The following FSTL5 variants were observed in gnomAD, a reference collection of about 807,000 sequenced individuals.
FSTL5 encodes the protein follistatin like 5, also known as follistatin-related protein 5.
In FSTL5, 62 loss-of-function variants were observed where a neutral mutation model predicts 89.1. That is an observed-to-expected ratio of 0.70 (90% confidence interval 0.57 to 0.86). FSTL5 has a LOEUF of 0.86. Ranked by LOEUF, FSTL5 falls within the 40% of genes least tolerant of loss-of-function variation. The pLI, the probability that FSTL5 is intolerant of heterozygous loss-of-function variation, is 0.00. For missense variants in FSTL5, 1,057 were observed against 1,001.6 expected (o/e 1.06, Z -0.75); for synonymous variants, 383 against 346.2 (o/e 1.11, Z -1.18).
chr4:161,883,916 T>C (rs545157849), intron 4 of FSTL5, among the ~76,000 whole-genome samples: 72 of 152,336 alleles, frequency 4.7e-4, no homozygotes, highest in Middle Eastern at 3.4e-3. Flanking sequence ...TCTGTGAGAT[T>C]TGTTTAATGC....
At chr4:161,399,732 T>C (rs903273570) in intron 15 of FSTL5, among the ~76,000 whole-genome samples, 1 of 152,110 alleles carries the variant, frequency 6.6e-6, no homozygotes, top group Non-Finnish European at 1.5e-5. Flanking sequence ...CAAAATTTAA[T>C]AGAGAGACGA....
At chr4:162,061,444 G>A (rs889657806) in intron 2 of FSTL5, among the ~76,000 whole-genome samples, 1 of 152,122 alleles carries the variant, frequency 6.6e-6, no homozygotes, top group African/African-American at 2.4e-5. Context: ...CAGAGTGTTG[G>A]AAATGGTATT....
chr4:161,988,383 G>C (rs1209725932), intron 3 of FSTL5, among the ~76,000 whole-genome samples: 1 of 152,054 alleles, frequency 6.6e-6, no homozygotes, highest in African/African-American at 2.4e-5. Flanking sequence ...GACAACTACA[G>C]CAAAGGAGAA....
chr4:161,746,840 CTAGT>C (rs1355458671), intron 6 of FSTL5, among the ~76,000 whole-genome samples: 1 of 152,126 alleles, frequency 6.6e-6, no homozygotes, highest in Non-Finnish European at 1.5e-5. Context: ...TCACTAATTT[CTAGT>C]TTGCACTTTT....
At chr4:162,067,235 T>C (rs1738951171) in intron 2 of FSTL5, among the ~76,000 whole-genome samples, 1 of 152,052 alleles carries the variant, frequency 6.6e-6, no homozygotes, top group African/African-American at 2.4e-5. Context: ...TGTATTCTTT[T>C]GTAGAGTGGG....
intron 6 of FSTL5, among the ~76,000 whole-genome samples, chr4:161,717,082 T>A (rs1361881965): frequency 6.6e-6 from 1 of 152,182 alleles, no homozygotes; most frequent in Non-Finnish European, 1.5e-5. Flanking sequence ...TTCCCTTTGT[T>A]TTAGATAATT....
chr4:161,899,095 T>C (rs1733267932), intron 4 of FSTL5, among the ~76,000 whole-genome samples: 1 of 152,076 alleles, frequency 6.6e-6, no homozygotes, highest in South Asian at 2.1e-4. Flanking sequence ...AGATCTGGGA[T>C]GGGGCCGTGG....
At position 161,660,149 on chromosome 4, in the gene FSTL5, C is replaced by A. The variant is rs576814754; in HGVS notation, c.728-3655G>T. ...TTTTAATGATTTTTTTCTGATCTCA[C>A]ATTATGAGGACTATTACTACCTTTT... On this transcript the variant is annotated intron_variant, in intron 6 of 15. Coordinates refer to ENST00000306100, the MANE Select transcript of FSTL5 (RefSeq NM_020116.5). Among the ~76,000 whole-genome samples the A allele has an allele frequency of 2.0e-5, 3 of 152,270 alleles. No homozygotes were observed. The East Asian group carries it at 5.8e-4, about 29-fold the overall frequency.
At chr4:162,081,488 A>C in intron 2 of FSTL5, among the ~76,000 whole-genome samples, 1 of 151,612 alleles carries the variant, frequency 6.6e-6, no homozygotes, top group East Asian at 1.9e-4. Context: ...ATATATATAA[A>C]ATAATAATCA....
intron 8 of FSTL5, among the ~76,000 whole-genome samples, chr4:161,572,178 G>T (rs1344025873): frequency 6.6e-6 from 1 of 151,860 alleles, no homozygotes; most frequent in Non-Finnish European, 1.5e-5. Context: ...AATTAGCCAG[G>T]CATGTTGACA....
chr4:161,576,709 T>C (rs999774658), intron 8 of FSTL5, among the ~76,000 whole-genome samples: 4 of 152,334 alleles, frequency 2.6e-5, no homozygotes, highest in South Asian at 2.1e-4. Context: ...ATCATCACAC[T>C]CATTTTTCAA....
intron 4 of FSTL5, among the ~76,000 whole-genome samples, chr4:161,878,444 T>C (rs1377959114): frequency 6.6e-6 from 1 of 152,154 alleles, no homozygotes; most frequent in Non-Finnish European, 1.5e-5. Context: ...CAATTCTTTA[T>C]TTGCTAGTTC....
intron 4 of FSTL5, 31 bp downstream of exon 4, chr4:161,920,373 G>T: frequency 1.2e-6 from 2 of 1,600,866 alleles, no homozygotes; most frequent in South Asian, 2.2e-5. Flanking sequence ...AAATAGAGTG[G>T]GGTGACACTT....
intron 7 of FSTL5, among the ~76,000 whole-genome samples, chr4:161,595,422 C>G (rs767792680): frequency 6.6e-6 from 1 of 152,092 alleles, no homozygotes; most frequent in Middle Eastern, 3.4e-3. Flanking sequence ...AGCCTCTACA[C>G]CATTACAGAG....
At chr4:162,084,494 T>C (rs1436918541) in intron 2 of FSTL5, among the ~76,000 whole-genome samples, 2 of 152,068 alleles carry the variant, frequency 1.3e-5, no homozygotes, top group Non-Finnish European at 2.9e-5. Context: ...TGCAGCACTA[T>C]TCACAATAGT....
chr4:162,133,141 G>A (rs1732380682), intron 1 of FSTL5, among the ~76,000 whole-genome samples: 1 of 152,160 alleles, frequency 6.6e-6, no homozygotes, highest in African/African-American at 2.4e-5. Flanking sequence ...AGTAGAGACG[G>A]GGTTTCACTG....
chr4:162,006,851 A>C (rs1578941148), intron 3 of FSTL5, among the ~76,000 whole-genome samples: 2 of 152,100 alleles, frequency 1.3e-5, no homozygotes, highest in South Asian at 2.1e-4. Flanking sequence ...TATTTGCAAA[A>C]ACAATGAAAT....
chr4:161,969,790 A>AT (rs1735429852), intron 3 of FSTL5, among the ~76,000 whole-genome samples: 1 of 152,148 alleles, frequency 6.6e-6, no homozygotes, highest in Non-Finnish European at 1.5e-5. Context: ...GGAGGAACCA[A>AT]TTTGTGACCC....
chr4:161,977,481 C>T (rs1185555895), intron 3 of FSTL5, among the ~76,000 whole-genome samples: 16 of 150,890 alleles, frequency 1.1e-4, no homozygotes, highest in Admixed American at 8.6e-4. Context: ...GGCCTGGTGG[C>T]GGGCACCTGT....
Sources: allele counts gnomAD v4.1 joint callset (sites outside exome capture counted in the v4.1 genomes callset), GRCh38; gene constraint gnomAD v4.1.1; transcripts MANE v1.5; gene names NCBI Gene and HGNC (gene_info 2026-07-23, HGNC 2026-07-21).